Variants in THBS2 observed in about 807,000 individuals in gnomAD.
THBS2 encodes the protein thrombospondin-2.
In THBS2, 47 loss-of-function variants were observed where a neutral mutation model predicts 135.2. The observed-to-expected ratio is 0.35, with a 90% CI of 0.28 to 0.44. The LOEUF (loss-of-function observed/expected upper bound fraction) is 0.44, where lower values mean the gene tolerates loss of function less well. THBS2 is among the 20% of genes least tolerant of loss of function. The pLI is 1.00. For synonymous variants in THBS2, 639 were observed against 633.8 expected (o/e 1.01, Z -0.12); for missense variants, 1,288 against 1,603.1 (o/e 0.80, Z 3.36).
At chr6:169,251,481 C>G (rs1052558253) in intron 1 of THBS2, among the ~76,000 whole-genome samples, 4 of 152,134 alleles carry the variant, frequency 2.6e-5, no homozygotes, top group East Asian at 3.9e-4. Context: ...AGGCTGGCCC[C>G]GAAGTCAGGA....
In THBS2 at chr6:169,252,381, C is replaced by A. The variant is rs868338402; in HGVS notation, c.-23+1343G>T. On this transcript the variant is annotated intron_variant, in intron 1 of 21. Transcript: ENST00000617924. This position sits in a 1 kb window ranked among gnomAD's most constrained non-coding sequence, Gnocchi z 4.3. ...GGCTCTTCCCACCTCCCCACCTCAT[C>A]AGCCCACACTGCCGGGTACGTCGCA... Among the ~76,000 whole-genome samples the A allele has an allele frequency of 6.6e-6, 1 of 152,224 alleles. No individual in the cohort carries two copies. The highest frequency in any genetic ancestry group is 2.4e-5 in the African/African-American group (1 of 41,456).
intron 4 of THBS2, among the ~76,000 whole-genome samples, chr6:169,245,364 C>T (rs1166247198): frequency 6.6e-6 from 1 of 152,084 alleles, no homozygotes; most frequent in Non-Finnish European, 1.5e-5. Context: ...ATTAAATGCT[C>T]AAGAAAATAT....
At chr6:169,240,107 CA>C (rs1212239775) in intron 6 of THBS2, among the ~76,000 whole-genome samples, 5 of 152,198 alleles carry the variant, frequency 3.3e-5, no homozygotes, top group African/African-American at 1.2e-4. Flanking sequence ...GTATTTCCCC[CA>C]AACGTTTCTG....
At chr6:169,225,040 T>C (rs1344034092) in intron 17 of THBS2, 105 bp downstream of exon 17, 6 of 1,165,458 alleles carry the variant, frequency 5.1e-6, no homozygotes, top group African/African-American at 3.0e-5. Context: ...ATTGCCCTTT[T>C]TCCAGCAGCA....
chr6:169,230,419 G>A (rs540265841), intron 13 of THBS2, among the ~76,000 whole-genome samples: 1 of 152,248 alleles, frequency 6.6e-6, no homozygotes, highest in South Asian at 2.1e-4. Context: ...ACAGAACCTG[G>A]GGTCTTGTGC....
chr6:169,235,178 C>A (rs1328535470), intron 9 of THBS2, among the ~76,000 whole-genome samples: 3 of 152,276 alleles, frequency 2.0e-5, no homozygotes, highest in Admixed American at 2.0e-4. Context: ...CATACCACCT[C>A]TTCTTTTTAA....
chr6:169,240,590 C>G lies in THBS2; in HGVS notation c.894G>C (p.Ser298=). 1 of 1,613,446 alleles carries G rather than the reference C, an allele frequency of 6.2e-7. No individual in the cohort carries two copies. Among genetic ancestry groups the G allele is most frequent in the East Asian group, 2.2e-5 (1 of 44,860 alleles). The change falls in exon 6 of 22, where the codon TCG becomes TCC. Residue 298 remains serine (S), a splice_region_variant and synonymous_variant. Coordinates refer to ENST00000617924, the MANE Select transcript of THBS2 (RefSeq NM_003247.5). ...GCTCCCAGAGAAACTGGTTATCATT[C>G]GACTGGAAAATCAAGTGAAACATTT... ...NQLSENLKRV[S]NDNQFLWELI... is the part of the protein sequence containing the mutation.
At chr6:169,218,214 G>A (rs1779257073) in intron 21 of THBS2, among the ~76,000 whole-genome samples, 1 of 144,886 alleles carries the variant, frequency 6.9e-6, no homozygotes, top group Non-Finnish European at 1.5e-5. Flanking sequence ...ATGGGTGGAT[G>A]GATGATGAGA....
chr6:169,243,718 T>C (rs1379236272), intron 4 of THBS2, among the ~76,000 whole-genome samples: 1 of 152,236 alleles, frequency 6.6e-6, no homozygotes, highest in Non-Finnish European at 1.5e-5. Flanking sequence ...TTTTCATTCC[T>C]CTAAAAGTTA....
intron 4 of THBS2, among the ~76,000 whole-genome samples, chr6:169,245,680 T>C (rs1040590046): frequency 2.0e-5 from 3 of 150,818 alleles, no homozygotes; most frequent in Admixed American, 6.7e-5. Context: ...TAGTCCCAGC[T>C]ACTCAGGAGG....
At chr6:169,234,669 C>T (rs1025190962) in intron 10 of THBS2, 65 bp downstream of exon 10, 34 of 1,392,088 alleles carry the variant, frequency 2.4e-5, no homozygotes, top group East Asian at 5.4e-5. Flanking sequence ...TTTCCCAAAG[C>T]GTTTGTGCTT....
At chr6:169,245,893 T>C (rs1780540170) in intron 4 of THBS2, among the ~76,000 whole-genome samples, 1 of 151,976 alleles carries the variant, frequency 6.6e-6, no homozygotes, top group Non-Finnish European at 1.5e-5. Flanking sequence ...ACTGGAAAAG[T>C]TGTCTATATT....
intron 19 of THBS2, 151 bp downstream of exon 19, chr6:169,222,046 T>C: frequency 1.1e-6 from 1 of 921,776 alleles, no homozygotes; most frequent in African/African-American, 1.7e-5. Context: ...GCACAGTGTC[T>C]ATAATAAAGT....
At chr6:169,220,056 G>T in intron 21 of THBS2, 142 bp downstream of exon 21, 1 of 1,083,332 alleles carries the variant, frequency 9.2e-7, no homozygotes. Flanking sequence ...CTTGGAATGT[G>T]CAGGGGGCTC....
intron 13 of THBS2, 87 bp from the exon 14 acceptor site, chr6:169,229,766 G>T: frequency 9.2e-7 from 1 of 1,085,680 alleles, no homozygotes; most frequent in Non-Finnish European, 1.4e-6. Flanking sequence ...CCAGCATGGC[G>T]CCGAGGAAGG....
At position 169,216,721 on chromosome 6, in the gene THBS2, T is replaced by TATTA. The variant is rs1255229429; in HGVS notation, c.*1097_*1100dup. The TATTA allele has an allele frequency of 1.3e-5, 2 of 152,232 alleles. No homozygotes were observed. The highest frequency in any genetic ancestry group is 1.5e-5 in the Non-Finnish European group (1 of 68,046). 9.4% of individuals were successfully genotyped at this position (152,232 alleles called of 1,614,324 possible). ...TCATATTTTCACAGGATTATATACT[T>TATTA]ATTAGATGTTTGTTTCTAGAAATTA... On this transcript the variant is annotated 3_prime_UTR_variant, in exon 22 of 22. Transcript: ENST00000617924.
Position 169,222,442 on chromosome 6 carries a change from A to T in THBS2, c.3028T>A (p.Phe1010Ile). 6.2e-7 allele frequency: 1 copy of T among 1,613,780 alleles called. No homozygotes were observed. Among genetic ancestry groups the T allele is most frequent in the Non-Finnish European group, 8.5e-7 (1 of 1,180,026 alleles). ...VGFDEFGSVD[F>I]SGTFYVNTDR... ...GTGTTTACGTAGAATGTGCCACTGA[A>T]GTCCACAGACCCAAACTCGTCAAAA... The change falls in exon 19 of 22, where the codon TTC (phenylalanine) becomes ATC (isoleucine). Residue 1010 changes from phenylalanine to isoleucine, a missense_variant. Physicochemically the swap from Phe to Ile is conservative, Grantham distance 21 (BLOSUM62 0). Around this residue, in one of 2 missense-constraint regions of THBS2, gnomAD observed 874 missense variants for 1,156.1 expected, o/e 0.76. Transcript: ENST00000617924.
rs757448793 is a variant in THBS2, at chr6:169,241,712, C to T, written c.891+50G>A. On this transcript the variant is annotated intron_variant, in intron 5 of 21. Transcript: ENST00000617924. This position sits in a 1 kb window ranked among gnomAD's most constrained non-coding sequence, Gnocchi z 5.5. ...GATACCTGCTGAGATGGGCCAGCGG[C>T]GGAGCTGCCCATGCCCTATGACCCC... 9.8e-6 allele frequency: 15 copies of T among 1,536,086 alleles called. No homozygotes were observed. Among genetic ancestry groups the T allele is most frequent in the South Asian group, 8.5e-5 (7 of 82,394 alleles).
rs192620424 is a variant in THBS2 at position 169,250,337 on chromosome 6, G to C, written c.52+396C>G. 2.1e-3 allele frequency among the ~76,000 whole-genome samples: 321 copies of C among 152,232 alleles called. 2 individuals are homozygous for C. The highest frequency in any genetic ancestry group is 7.4e-3 in the African/African-American group (307 of 41,540). Reference sequence around the variant, plus strand: ...AGTGGGAATTGATTGAAAAAGATCAGGCTTTATCTGTGATGAAATATTATG... The same window carrying C: ...AGTGGGAATTGATTGAAAAAGATCACGCTTTATCTGTGATGAAATATTATG... On this transcript the variant is annotated intron_variant, in intron 2 of 21. Coordinates refer to ENST00000617924, the MANE Select transcript of THBS2 (RefSeq NM_003247.5).
Sources: gnomAD v4.1 joint callset for allele counts (sites outside exome capture counted in the v4.1 genomes callset) on GRCh38, gnomAD v4.1.1 for gene constraint, gnomAD v4.1.1 regional missense constraint, Gnocchi (gnomAD v3.1) non-coding constraint, MANE v1.5 for transcripts, NCBI Gene and HGNC (gene_info 2026-07-23, HGNC 2026-07-21) for gene names.